The following SLC25A21 variants were observed in gnomAD, a reference collection of about 807,000 sequenced individuals.
The protein encoded by SLC25A21 is solute carrier family 25 member 21.
SLC25A21 carries 47 observed loss-of-function variants against 43.8 expected under a neutral mutation model. The ratio of observed to expected loss-of-function variants is 1.07; its 90% CI spans 0.85 to 1.37. The LOEUF is 1.37. Among genes scored for constraint, SLC25A21 ranks in the 40% most tolerant of loss-of-function variants. The pLI, the probability that SLC25A21 is intolerant of heterozygous loss-of-function variation, is 0.00. For synonymous variants in SLC25A21, 131 were observed against 121.3 expected, an observed-to-expected ratio of 1.08 and a Z score of -0.52; for missense variants, 352 against 350.2, an observed-to-expected ratio of 1.00 and a Z score of -0.04.
rs533287855 is a variant in SLC25A21, at chr14:37,172,361, C to T, written c.-11G>A. ...AGGCTTGGCGGACATCTTCGCCAGG[C>T]GGGAGGACAAGGGAGTGGGCTGAGA... On this transcript the variant is annotated 5_prime_UTR_variant, in exon 1 of 10. Coordinates refer to ENST00000331299, the MANE Select transcript of SLC25A21 (RefSeq NM_030631.4). 18 of 1,592,536 alleles carry T rather than the reference C, an allele frequency of 1.1e-5. No individual in the cohort carries two copies. In the South Asian group the frequency reaches 1.5e-4, roughly 13 times the overall value.
chr14:37,050,620 G>C (rs1961683389), intron 1 of SLC25A21, among the ~76,000 whole-genome samples: 2 of 152,180 alleles, frequency 1.3e-5, no homozygotes, highest in South Asian at 4.1e-4. Context: ...AGTGCAAGGA[G>C]TTTTATTAGA....
chr14:36,946,790 G>C (rs1054830157), intron 1 of SLC25A21, among the ~76,000 whole-genome samples: 1 of 152,142 alleles, frequency 6.6e-6, no homozygotes, highest in Non-Finnish European at 1.5e-5. Flanking sequence ...ATGTCAGCTT[G>C]TCATGGCCTG....
intron 3 of SLC25A21, among the ~76,000 whole-genome samples, chr14:36,779,253 T>C (rs1886946184): frequency 6.8e-6 from 1 of 146,336 alleles, no homozygotes; most frequent in Admixed American, 6.9e-5. Context: ...TAATATAATA[T>C]ATAATATATA....
At chr14:36,719,598 A>G (rs1223490441) in intron 6 of SLC25A21, among the ~76,000 whole-genome samples, 7 of 152,220 alleles carry the variant, frequency 4.6e-5, no homozygotes, top group Admixed American at 3.3e-4. Flanking sequence ...GACACTGGCC[A>G]AGACACTGGT....
At chr14:36,801,815 C>T (rs749290537) in intron 3 of SLC25A21, among the ~76,000 whole-genome samples, 7 of 152,104 alleles carry the variant, frequency 4.6e-5, no homozygotes, top group Non-Finnish European at 1.0e-4. Context: ...TGTCCCTCTG[C>T]TTATTAAACT....
chr14:36,811,333 T>G (rs1888257409), intron 3 of SLC25A21, among the ~76,000 whole-genome samples: 1 of 152,024 alleles, frequency 6.6e-6, no homozygotes, highest in South Asian at 2.1e-4. Flanking sequence ...AGGGTATATG[T>G]GTAGAAGTTT....
chr14:36,823,391 A>C (rs1421115420), intron 2 of SLC25A21, among the ~76,000 whole-genome samples: 1 of 152,216 alleles, frequency 6.6e-6, no homozygotes, highest in Non-Finnish European at 1.5e-5. Context: ...ATTATGCTTA[A>C]TATCAGATTA....
intron 1 of SLC25A21, among the ~76,000 whole-genome samples, chr14:37,012,488 T>C (rs887017266): frequency 3.9e-5 from 6 of 152,114 alleles, no homozygotes; most frequent in Non-Finnish European, 8.8e-5. Flanking sequence ...TGCCCATAAA[T>C]AGTATAACCT....
At chr14:37,105,528 C>T (rs867614434) in intron 1 of SLC25A21, among the ~76,000 whole-genome samples, 22 of 152,242 alleles carry the variant, frequency 1.4e-4, no homozygotes, top group South Asian at 2.1e-4. Flanking sequence ...TGCCTTTCTA[C>T]ATATTTCCCA....
intron 1 of SLC25A21, among the ~76,000 whole-genome samples, chr14:37,081,789 G>A (rs1009605179): frequency 6.6e-6 from 1 of 152,146 alleles, no homozygotes; most frequent in Non-Finnish European, 1.5e-5. Context: ...ACAAAACTAT[G>A]GAAAGAATTA....
At chr14:37,104,763 C>T (rs1357883534) in intron 1 of SLC25A21, among the ~76,000 whole-genome samples, 1 of 151,990 alleles carries the variant, frequency 6.6e-6, no homozygotes, top group African/African-American at 2.4e-5. Context: ...AGGAGGTGGC[C>T]CAGCCCAAGG....
chr14:36,797,680 C>T (rs940953221), intron 3 of SLC25A21, among the ~76,000 whole-genome samples: 2 of 152,022 alleles, frequency 1.3e-5, no homozygotes, highest in African/African-American at 2.4e-5. Context: ...ACCTAATTTG[C>T]GGTAGCAGAG....
chr14:37,033,437 A>G (rs1961262020), intron 1 of SLC25A21, among the ~76,000 whole-genome samples: 1 of 152,224 alleles, frequency 6.6e-6, no homozygotes, highest in South Asian at 2.1e-4. Flanking sequence ...AAACTGAAGT[A>G]TAAGGTACTA....
At chr14:36,952,930 C>A (rs1892849221) in intron 1 of SLC25A21, among the ~76,000 whole-genome samples, 1 of 152,190 alleles carries the variant, frequency 6.6e-6, no homozygotes, top group African/African-American at 2.4e-5. Flanking sequence ...GCATTTAGAT[C>A]TGGTTACTCA....
At chr14:37,045,451 TC>T (rs1411536926) in intron 1 of SLC25A21, among the ~76,000 whole-genome samples, 1 of 152,194 alleles carries the variant, frequency 6.6e-6, no homozygotes, top group Non-Finnish European at 1.5e-5. Context: ...AAAAAAAACT[TC>T]ACTAATATTT....
intron 2 of SLC25A21, among the ~76,000 whole-genome samples, chr14:36,853,951 A>T (rs1889822058): frequency 6.6e-6 from 1 of 152,206 alleles, no homozygotes; most frequent in South Asian, 2.1e-4. Context: ...AAACTATAGA[A>T]ACCAGAAGTA....
intron 1 of SLC25A21, among the ~76,000 whole-genome samples, chr14:37,151,644 T>C (rs559999466): frequency 3.3e-5 from 5 of 152,242 alleles, no homozygotes; most frequent in South Asian, 2.1e-4. Flanking sequence ...GGTGGAGTAA[T>C]GGATGAGAGC....
intron 1 of SLC25A21, among the ~76,000 whole-genome samples, chr14:37,119,889 T>C (rs998664050): frequency 6.6e-6 from 1 of 152,092 alleles, no homozygotes; most frequent in Non-Finnish European, 1.5e-5. Context: ...TGGCAGCAAG[T>C]TCCTACCTAA....
At chr14:36,729,148 A>T (rs908157889) in intron 5 of SLC25A21, among the ~76,000 whole-genome samples, 3 of 152,238 alleles carry the variant, frequency 2.0e-5, no homozygotes, top group African/African-American at 7.2e-5. Context: ...AAAAGCTGGA[A>T]AAGTGACCTG....
Sources: gnomAD v4.1 joint callset for allele counts (sites outside exome capture counted in the v4.1 genomes callset) on GRCh38, gnomAD v4.1.1 for gene constraint, MANE v1.5 for transcripts, NCBI Gene and HGNC (gene_info 2026-07-23, HGNC 2026-07-21) for gene names.